Variants in MYCBP2 observed in about 807,000 individuals in gnomAD.
MYCBP2 encodes the protein MYC binding protein 2.
A neutral mutation model predicts 525.3 loss-of-function variants in MYCBP2; 120 were observed. The ratio of observed to expected loss-of-function variants is 0.23; its 90% CI spans 0.20 to 0.27. The LOEUF is 0.27. Ranked by LOEUF, MYCBP2 falls within the 10% of genes least tolerant of loss-of-function variation. The pLI, the probability that MYCBP2 is intolerant of heterozygous loss-of-function variation, is 1.00. For synonymous variants in MYCBP2, 1,894 were observed against 1,955.8 expected, an observed-to-expected ratio of 0.97 and a Z score of 0.83; for missense variants, 4,149 against 5,657.1, an observed-to-expected ratio of 0.73 and a Z score of 8.55.
At chr13:77,145,891 A>T (rs2055451574) in intron 48 of MYCBP2, among the ~76,000 whole-genome samples, 1 of 151,764 alleles carries the variant, frequency 6.6e-6, no homozygotes. Flanking sequence ...TAAACAAGTC[A>T]ATTTAAACAT....
intron 55 of MYCBP2, among the ~76,000 whole-genome samples, chr13:77,108,089 T>G (rs1267342503): frequency 1.3e-5 from 2 of 152,176 alleles, no homozygotes; most frequent in Non-Finnish European, 2.9e-5. Context: ...AAGAACAACA[T>G]TTTAAACTTA....
rs990477545 is a variant in MYCBP2, at chr13:77,326,401, G to A, written c.302+73C>T. ...TACACACACGCAAGCACACACACAC[G>A]CGGGTGCACGCGCGGCATGGGGCGC... On this transcript the variant is annotated intron_variant, in intron 1 of 82. Coordinates refer to ENST00000544440, the MANE Select transcript of MYCBP2 (RefSeq NM_015057.5). This position sits in a 1 kb window ranked among gnomAD's most constrained non-coding sequence, Gnocchi z 4.2. The A allele has an allele frequency of 8.5e-6, 12 of 1,407,780 alleles. No individual in the cohort carries two copies. In the African/African-American group the frequency reaches 8.9e-5, roughly 10 times the overall value. The allele number at this position is 1,407,780 out of a possible 1,614,324, so 87.2% of individuals were successfully genotyped here.
At chr13:77,242,935 T>C in intron 17 of MYCBP2, 124 bp downstream of exon 17, 1 of 748,238 alleles carries the variant, frequency 1.3e-6, no homozygotes. Flanking sequence ...GTTATCAGAA[T>C]ATTGCTAATT....
intron 3 of MYCBP2, among the ~76,000 whole-genome samples, chr13:77,283,497 GAATT>G (rs1477634841): frequency 6.6e-6 from 1 of 152,250 alleles, no homozygotes; most frequent in East Asian, 1.9e-4. Context: ...AGAATATACT[GAATT>G]AAGAAAGAAA....
rs2038650414 is a variant in MYCBP2 at position 77,058,635 on chromosome 13, A to C, written c.13141-229T>G. Among the ~76,000 whole-genome samples, 1 of 152,126 alleles carries C rather than the reference A, an allele frequency of 6.6e-6. No homozygotes were observed. The highest frequency in any genetic ancestry group is 1.5e-5 in the Non-Finnish European group (1 of 68,002). ...TTTTAAAAAATGCCACTCTCTATAA[A>C]GGGAATGCTGATAAGTGAATTATAA... On this transcript the variant is annotated intron_variant, in intron 77 of 82. Coordinates refer to ENST00000544440, the MANE Select transcript of MYCBP2 (RefSeq NM_015057.5). The surrounding 1 kb of genome is among the most constrained non-coding windows in gnomAD (Gnocchi z 4.1).
intron 73 of MYCBP2, 135 bp from the exon 74 acceptor site, chr13:77,062,832 C>A: frequency 1.5e-6 from 1 of 666,850 alleles, no homozygotes; most frequent in Non-Finnish European, 2.6e-6. Context: ...GCACTCAAGT[C>A]TTCCTGATGT....
chr13:77,069,635 T>G (rs1328845091), intron 69 of MYCBP2, among the ~76,000 whole-genome samples: 1 of 139,284 alleles, frequency 7.2e-6, no homozygotes, highest in Non-Finnish European at 1.5e-5. Context: ...GGCGGGTGGA[T>G]CACGAGGTCA....
chr13:77,087,468 C>T lies in MYCBP2; in HGVS notation c.10875+16G>A. The T allele has an allele frequency of 1.3e-6, 2 of 1,594,024 alleles. No homozygotes were observed. Among genetic ancestry groups the T allele is most frequent in the Non-Finnish European group, 1.7e-6 (2 of 1,167,690 alleles). On this transcript the variant is annotated intron_variant, in intron 62 of 82. Coordinates refer to ENST00000544440, the MANE Select transcript of MYCBP2 (RefSeq NM_015057.5). ...TCTATAAAAATATGCACAATCAAAA[C>T]AAAAATTTCATTTACTTGTTCTGAA...
At chr13:77,172,139 T>A (rs891202782) in intron 37 of MYCBP2, among the ~76,000 whole-genome samples, 1 of 152,130 alleles carries the variant, frequency 6.6e-6, no homozygotes, top group African/African-American at 2.4e-5. Flanking sequence ...GACCTCGTGA[T>A]CCACCCATCT....
chr13:77,131,441 C>T (rs1385625409), intron 52 of MYCBP2, among the ~76,000 whole-genome samples: 2 of 151,540 alleles, frequency 1.3e-5, no homozygotes, highest in Non-Finnish European at 2.9e-5. Context: ...ACTCCTTGAG[C>T]CCAGAAGTTC....
At chr13:77,286,461 T>C (rs1028130620) in intron 3 of MYCBP2, among the ~76,000 whole-genome samples, 2 of 151,424 alleles carry the variant, frequency 1.3e-5, no homozygotes, top group African/African-American at 4.9e-5. Flanking sequence ...ATAGAAAAAA[T>C]ATATATAACA....
intron 68 of MYCBP2, among the ~76,000 whole-genome samples, chr13:77,075,361 C>T (rs1382192930): frequency 2.0e-5 from 3 of 152,108 alleles, no homozygotes; most frequent in African/African-American, 7.2e-5. Context: ...TCTTAAAAAT[C>T]ATGTTATTTC....
intron 49 of MYCBP2, among the ~76,000 whole-genome samples, chr13:77,142,185 T>C (rs918779525): frequency 6.6e-6 from 1 of 152,230 alleles, no homozygotes; most frequent in African/African-American, 2.4e-5. Flanking sequence ...GAATTCCTAC[T>C]GTAATTTGTA....
chr13:77,110,346 C>A (rs2048606112), intron 55 of MYCBP2, among the ~76,000 whole-genome samples: 1 of 152,126 alleles, frequency 6.6e-6, no homozygotes, highest in Non-Finnish European at 1.5e-5. Context: ...CCTGCAGTAC[C>A]CTCAGGCTCA....
Position 77,234,748 on chromosome 13 carries a change from C to T in MYCBP2, c.2630-1485G>A, listed in dbSNP as rs993479278. Among the ~76,000 whole-genome samples the T allele has an allele frequency of 3.9e-5, 6 of 151,996 alleles. No individual in the cohort carries two copies. In the South Asian group the frequency reaches 1.0e-3, roughly 26 times the overall value. On this transcript the variant is annotated intron_variant, in intron 17 of 82. Transcript: ENST00000544440. ...CAAAATGCCTTATTTTCTTAACATG[C>T]ATGATTTCTCAATTGTTACAAAGCA...
At position 77,180,149 on chromosome 13, in the gene MYCBP2, G is replaced by A. The variant is rs1359898619; in HGVS notation, c.5111C>T (p.Thr1704Ile). 2.5e-6 allele frequency: 4 copies of A among 1,613,952 alleles called. No individual in the cohort carries two copies. Among genetic ancestry groups the A allele is most frequent in the African/African-American group, 1.3e-5 (1 of 75,050 alleles). ...GLLASIVSEL[T>I]ASALGSEVDG... ...TACCTCAGATCCCAGGGCTGACGCT[G>A]TCAGTTCACTGACAATGCTGGCCAG... The change falls in exon 34 of 83, where the codon ACA becomes ATA. Residue 1704 changes from threonine (T) to isoleucine (I), a missense_variant. By Grantham distance (89) the Thr-to-Ile change is moderately conservative. Transcript: ENST00000544440.
chr13:77,230,949 T>A (rs1389995999), intron 18 of MYCBP2, among the ~76,000 whole-genome samples: 1 of 152,172 alleles, frequency 6.6e-6, no homozygotes, highest in Admixed American at 6.5e-5. Context: ...ATGTTCAACA[T>A]GTCGTAAAAG....
intron 18 of MYCBP2, among the ~76,000 whole-genome samples, chr13:77,226,859 T>C (rs555490810): frequency 2.9e-4 from 44 of 152,300 alleles, no homozygotes; most frequent in African/African-American, 1.0e-3. Flanking sequence ...TGTGGCTTAC[T>C]GGAAACGTCT....
Position 77,111,436 on chromosome 13 carries a change from C to CT in MYCBP2, c.8140+9936dup, listed in dbSNP as rs779969571. 6.1e-3 allele frequency among the ~76,000 whole-genome samples: 832 copies of CT among 137,136 alleles called. 5 individuals carry two copies. The highest frequency in any genetic ancestry group is 0.023 in the South Asian group (97 of 4,244). 90.0% of individuals were successfully genotyped at this position (137,136 alleles called of 152,430 possible). ...CTAACTTTAATCAGCATGTCACTTC[C>CT]TTTTTTTTTTTTTTTTTAAGAGGCA... On this transcript the variant is annotated intron_variant, in intron 55 of 82. Coordinates refer to ENST00000544440, the MANE Select transcript of MYCBP2 (RefSeq NM_015057.5).
Sources: gnomAD v4.1 joint callset for allele counts (sites outside exome capture counted in the v4.1 genomes callset) on GRCh38, gnomAD v4.1.1 for gene constraint, Gnocchi (gnomAD v3.1) non-coding constraint, MANE v1.5 for transcripts, NCBI Gene and HGNC (gene_info 2026-07-23, HGNC 2026-07-21) for gene names.